Variants in TTLL9 observed in about 807,000 individuals in gnomAD.
TTLL9 encodes probable tubulin polyglutamylase TTLL9.
A neutral mutation model predicts 65.6 loss-of-function variants in TTLL9; 47 were observed. The ratio of observed to expected loss-of-function variants is 0.72; its 90% confidence interval spans 0.57 to 0.91. The LOEUF is 0.91. Among genes scored for constraint, TTLL9 ranks in the 40% least tolerant of loss-of-function variants. TTLL9 has a pLI of 0.00. For missense variants in TTLL9, 537 were observed against 568.8 expected, an observed-to-expected ratio of 0.94 and a Z score of 0.57; for synonymous variants, 179 against 204.8, an observed-to-expected ratio of 0.87 and a Z score of 1.07.
At chr20:31,873,685 AG>A (rs2062975236) in intron 2 of TTLL9, among the ~76,000 whole-genome samples, 1 of 17,042 alleles carries the variant, frequency 5.9e-5, no homozygotes, top group Non-Finnish European at 1.3e-4. Context: ...AGAGAGAGAG[AG>A]AAAGAAAGAA....
In TTLL9 at chr20:31,922,574, C is replaced by A. The variant is rs2063830239; in HGVS notation, c.574-389C>A. Among the ~76,000 whole-genome samples the A allele has an allele frequency of 2.0e-5, 3 of 152,336 alleles. No homozygotes were observed. The South Asian group carries it at 6.2e-4, about 32-fold the overall frequency. On this transcript the variant is annotated intron_variant, in intron 7 of 14. Transcript: ENST00000535842. ...TTGTCCTTTTGTATCTGGCTTATTTCACTTAGCCTTATGTCTTCGAATTTC... is the reference window on the plus strand; with the variant it reads ...TTGTCCTTTTGTATCTGGCTTATTTAACTTAGCCTTATGTCTTCGAATTTC...
chr20:31,906,604 T>C (rs1290849749), intron 4 of TTLL9, among the ~76,000 whole-genome samples: 6 of 152,160 alleles, frequency 3.9e-5, no homozygotes, highest in African/African-American at 1.4e-4. Context: ...CCTACTTGTC[T>C]ATATTAGAGA....
At chr20:31,937,300 C>T (rs1380428064) in intron 12 of TTLL9, 96 bp from the exon 13 acceptor site, 24 of 751,030 alleles carry the variant, frequency 3.2e-5, no homozygotes, top group African/African-American at 1.4e-4. Context: ...ATTGAATTGA[C>T]GGTGGGGTCC....
In TTLL9 at chr20:31,898,543, C is replaced by A. The variant is rs751014899; in HGVS notation, c.184C>A (p.Pro62Thr). The change falls in exon 4 of 15, where the codon CCA becomes ACA. Residue 62 changes from proline to threonine, a missense_variant. By Grantham distance (38) the Pro-to-Thr change is conservative (BLOSUM62 -1). Coordinates refer to ENST00000535842, the MANE Select transcript of TTLL9 (RefSeq NM_001008409.5). ...ACTCATGGACGTCCTTCGCCACAGGCCAGGATGGGTGGAAGTGAAGGAGTA... is the reference window on the plus strand; with the variant it reads ...ACTCATGGACGTCCTTCGCCACAGGACAGGATGGGTGGAAGTGAAGGAGTA... ...NTLMDVLRHR[P>T]GWVEVKDEGE... 5.0e-6 allele frequency: 8 copies of A among 1,614,066 alleles called. No homozygotes were observed. The highest frequency in any genetic ancestry group is 3.3e-5 in the Admixed American group (2 of 60,008).
chr20:31,872,422 A>AC (rs1453388656), intron 2 of TTLL9, among the ~76,000 whole-genome samples: 2 of 152,046 alleles, frequency 1.3e-5, no homozygotes, highest in East Asian at 1.9e-4. Context: ...CAGGTCTGTA[A>AC]TCCCAGAACT....
intron 2 of TTLL9, 131 bp from the exon 3 acceptor site, chr20:31,887,065 C>A: frequency 1.1e-6 from 1 of 876,198 alleles, no homozygotes; most frequent in Non-Finnish European, 1.8e-6. Context: ...TCAGGCTGGA[C>A]CTTCGTGTCT....
At chr20:31,935,588 T>G (rs1479582846) in intron 12 of TTLL9, among the ~76,000 whole-genome samples, 2 of 152,184 alleles carry the variant, frequency 1.3e-5, no homozygotes, top group East Asian at 3.9e-4. Context: ...AAGACCTAAG[T>G]CAGGCCCTTG....
In TTLL9 at chr20:31,939,251, A is replaced by C; in HGVS notation, c.1228A>C (p.Thr410Pro). 1 of 1,613,516 alleles carries C rather than the reference A, an allele frequency of 6.2e-7. No individual in the cohort carries two copies. Among genetic ancestry groups the C allele is most frequent in the Non-Finnish European group, 8.5e-7 (1 of 1,179,812 alleles). The change falls in exon 14 of 15, where the codon ACC (threonine) becomes CCC (proline). Residue 410 changes from threonine (T) to proline (P), a missense_variant. By Grantham distance (38) the Thr-to-Pro change is conservative. Coordinates refer to ENST00000535842, the MANE Select transcript of TTLL9 (RefSeq NM_001008409.5). ...PDLSGMGNFV[T>P]NTHLGCVNDR... ...CCTGTCGGGAATGGGAAACTTTGTG[A>C]CCAACACACATCTCGGTATGTAGGG...
chr20:31,912,588 T>C (rs1225562702), intron 6 of TTLL9, among the ~76,000 whole-genome samples: 3 of 145,120 alleles, frequency 2.1e-5, no homozygotes, highest in Non-Finnish European at 4.5e-5. Context: ...AGTGTGTGTG[T>C]GTGCGTGTAT....
In TTLL9 at chr20:31,924,910, C is replaced by T. The variant is rs116092580; in HGVS notation, c.665-99C>T. ...AGTTTCAGCAGGAGCTTCATGAAGGCGGGGTTTCCTGTCTGTCCACTGCTA... is the reference window on the plus strand; with the variant it reads ...AGTTTCAGCAGGAGCTTCATGAAGGTGGGGTTTCCTGTCTGTCCACTGCTA... On this transcript the variant is annotated intron_variant, in intron 8 of 14. Coordinates refer to ENST00000535842, the MANE Select transcript of TTLL9 (RefSeq NM_001008409.5). The T allele has an allele frequency of 9.3e-4, 1,223 of 1,314,326 alleles. 10 individuals are homozygous for T. The African/African-American group carries it at 0.016, about 17-fold the overall frequency. 81.4% of individuals were successfully genotyped at this position (1,314,326 alleles called of 1,614,324 possible).
intron 4 of TTLL9, among the ~76,000 whole-genome samples, chr20:31,903,896 T>TA (rs2063512782): frequency 6.6e-6 from 1 of 152,260 alleles, no homozygotes; most frequent in Non-Finnish European, 1.5e-5. Flanking sequence ...TTTTTTCCAC[T>TA]AACATCCTTT....
intron 3 of TTLL9, among the ~76,000 whole-genome samples, chr20:31,888,455 A>C (rs2063230836): frequency 6.6e-6 from 1 of 152,120 alleles, no homozygotes; most frequent in Non-Finnish European, 1.5e-5. Context: ...GCTATAAAGG[A>C]ATACCTGAGA....
intron 6 of TTLL9, among the ~76,000 whole-genome samples, chr20:31,919,313 G>A (rs1010502029): frequency 1.3e-5 from 2 of 152,212 alleles, no homozygotes; most frequent in Non-Finnish European, 2.9e-5. Flanking sequence ...TGGTGGGGGA[G>A]GTAGTGAGCT....
chr20:31,880,875 G>C (rs1275801068), intron 2 of TTLL9, among the ~76,000 whole-genome samples: 1 of 93,666 alleles, frequency 1.1e-5, no homozygotes, highest in African/African-American at 4.7e-5. Context: ...TTTTTTTTGA[G>C]ACAAGGTCTT....
chr20:31,932,471 C>CAAAAAA (rs58783829), intron 10 of TTLL9, among the ~76,000 whole-genome samples: 2 of 86,482 alleles, frequency 2.3e-5, no homozygotes, highest in African/African-American at 5.6e-5. Context: ...GACCCTGTCT[C>CAAAAAA]AAAAAAAAAA....
At chr20:31,899,453 G>C (rs1568770845) in intron 4 of TTLL9, among the ~76,000 whole-genome samples, 1 of 151,988 alleles carries the variant, frequency 6.6e-6, no homozygotes, top group Non-Finnish European at 1.5e-5. Context: ...AACATGGCAA[G>C]ACCCTGTCTC....
intron 8 of TTLL9, among the ~76,000 whole-genome samples, chr20:31,924,529 C>A (rs2063863911): frequency 6.7e-6 from 1 of 150,320 alleles, no homozygotes; most frequent in South Asian, 2.1e-4. Context: ...CCCAAGTTGA[C>A]CCCCACGCAC....
At chr20:31,903,511 G>T (rs1241059713) in intron 4 of TTLL9, among the ~76,000 whole-genome samples, 10 of 151,290 alleles carry the variant, frequency 6.6e-5, no homozygotes, top group African/African-American at 2.4e-4. Flanking sequence ...TTCTTTTGTT[G>T]CTAGTGCTTT....
chr20:31,880,060 G>A (rs1196564550), intron 2 of TTLL9, among the ~76,000 whole-genome samples: 4 of 152,050 alleles, frequency 2.6e-5, no homozygotes, highest in East Asian at 3.9e-4. Flanking sequence ...TCCGAAAACA[G>A]GAAGAAAAAA....
Sources: allele counts gnomAD v4.1 joint callset (sites outside exome capture counted in the v4.1 genomes callset), GRCh38; gene constraint gnomAD v4.1.1; transcripts MANE v1.5; gene names NCBI Gene and HGNC (gene_info 2026-07-23, HGNC 2026-07-21).